Variants in BAHD1 observed in about 807,000 individuals in gnomAD.
BAHD1 encodes the protein bromo adjacent homology domain containing 1.
A neutral mutation model predicts 63.1 loss-of-function variants in BAHD1; 20 were observed. That is an observed-to-expected ratio of 0.32 (90% confidence interval 0.22 to 0.46). BAHD1 has a LOEUF of 0.46. Ranked by LOEUF, BAHD1 falls within the 20% of genes least tolerant of loss-of-function variation. The probability of loss-of-function intolerance (pLI) is 1.00; values close to 1 mark genes in which losing one functional copy is unlikely to be tolerated. For missense variants in BAHD1, 939 were observed against 1,071.8 expected, an observed-to-expected ratio of 0.88 and a Z score of 1.73; for synonymous variants, 408 against 426.8, an observed-to-expected ratio of 0.96 and a Z score of 0.54.
At chr15:40,446,561 A>G (rs1893545761) in intron 1 of BAHD1, among the ~76,000 whole-genome samples, 1 of 152,218 alleles carries the variant, frequency 6.6e-6, no homozygotes, top group African/African-American at 2.4e-5. Flanking sequence ...GATCCTCTGC[A>G]GGCCCAATCC....
chr15:40,455,866 C>G (rs983972690), intron 1 of BAHD1, among the ~76,000 whole-genome samples: 1 of 143,156 alleles, frequency 7.0e-6, no homozygotes, highest in Non-Finnish European at 1.5e-5. Flanking sequence ...CTAGGAGATA[C>G]TGATGTGCTT....
Position 40,458,778 on chromosome 15 carries a change from C to T in BAHD1, c.314C>T (p.Ser105Phe). The T allele has an allele frequency of 6.2e-7, 1 of 1,613,222 alleles. No homozygotes were observed. The highest frequency in any genetic ancestry group is 1.1e-5 in the South Asian group (1 of 91,082). The change falls in exon 2 of 7, where the codon TCC becomes TTC. Residue 105 changes from serine to phenylalanine, a missense_variant. Transcript: ENST00000416165. This position sits in a 1 kb window ranked among gnomAD's most constrained non-coding sequence, Gnocchi z 4.7. ...DLPKPPSPAP[S>F]SEDPGLAQPR... ...CCCAAGCCCCCCAGCCCGGCCCCATCCAGTGAAGACCCTGGCCTTGCCCAG... is the reference window on the plus strand; with the variant it reads ...CCCAAGCCCCCCAGCCCGGCCCCATTCAGTGAAGACCCTGGCCTTGCCCAG...
At chr15:40,456,653 G>A (rs1252120053) in intron 1 of BAHD1, among the ~76,000 whole-genome samples, 1 of 152,240 alleles carries the variant, frequency 6.6e-6, no homozygotes, top group Non-Finnish European at 1.5e-5. Flanking sequence ...AAGGCCATGG[G>A]AGCTAACAGG....
At position 40,466,021 on chromosome 15, in the gene BAHD1, C is replaced by A. The variant is rs1473130545; in HGVS notation, c.2234C>A (p.Ser745Tyr). ...TALVPPSADY[S>Y]TPPHRTVPED... is the part of the protein sequence containing the mutation. Reference sequence around the variant, plus strand: ...CTGGTTCCCCCCTCTGCAGACTATTCCACCCCACCCCACCGCACAGTGCCA... The same window carrying A: ...CTGGTTCCCCCCTCTGCAGACTATTACACCCCACCCCACCGCACAGTGCCA... Residue 745 changes from serine to tyrosine, a missense_variant, in exon 7 of 7, where the codon TCC (serine) becomes TAC (tyrosine). Ser to Tyr is a moderately radical substitution (Grantham distance 144). Around this residue, in one of 5 missense-constraint regions of BAHD1, gnomAD observed 68 missense variants for 86.2 expected, o/e 0.79. Coordinates refer to ENST00000416165, the MANE Select transcript of BAHD1 (RefSeq NM_014952.5). The A allele has an allele frequency of 6.2e-7, 1 of 1,613,836 alleles. No individual in the cohort carries two copies. Among genetic ancestry groups the A allele is most frequent in the African/African-American group, 1.3e-5 (1 of 74,924 alleles).
Position 40,458,501 on chromosome 15 carries a change from A to C in BAHD1, c.37A>C (p.Ser13Arg). 1 of 1,605,952 alleles carries C rather than the reference A, an allele frequency of 6.2e-7. No individual in the cohort carries two copies. Among genetic ancestry groups the C allele is most frequent in the Non-Finnish European group, 8.5e-7 (1 of 1,175,372 alleles). The part of the protein sequence containing the change: ...HTRRKSLPML[S>R]SGLTGRREPL... ...TCGGAGAAAGTCCCTTCCCATGCTG[A>C]GTTCGGGCCTCACTGGCCGCCGAGA... The change falls in exon 2 of 7, where the codon AGT (serine) becomes CGT (arginine). Residue 13 changes from serine to arginine, a missense_variant. This residue lies in a region of BAHD1 where 797 missense variants were observed against 813.3 expected (regional missense o/e 0.98). Transcript: ENST00000416165. This position sits in a 1 kb window ranked among gnomAD's most constrained non-coding sequence, Gnocchi z 4.7.
At position 40,459,531 on chromosome 15, in the gene BAHD1, C is replaced by T. The variant is rs774183424; in HGVS notation, c.1067C>T (p.Pro356Leu). The change falls in exon 2 of 7, where the codon CCG (proline) becomes CTG (leucine). Residue 356 changes from proline (P) to leucine (L), a missense_variant. By Grantham distance (98) the Pro-to-Leu change is moderately conservative (BLOSUM62 -3). Coordinates refer to ENST00000416165, the MANE Select transcript of BAHD1 (RefSeq NM_014952.5). ...SFPTPQLSPLPMPGNPADYNG... is the reference protein window; with the variant it reads ...SFPTPQLSPLLMPGNPADYNG... ...CCCACACCTCAGCTGTCGCCGCTGCCGATGCCTGGCAACCCCGCCGACTAC... is the reference window on the plus strand; with the variant it reads ...CCCACACCTCAGCTGTCGCCGCTGCTGATGCCTGGCAACCCCGCCGACTAC... 46 of 1,614,010 alleles carry T rather than the reference C, an allele frequency of 2.9e-5. No individual in the cohort carries two copies. The highest frequency in any genetic ancestry group is 4.4e-5 in the South Asian group (4 of 91,096).
At chr15:40,463,414 C>G (rs1450484889) in intron 3 of BAHD1, among the ~76,000 whole-genome samples, 2 of 152,246 alleles carry the variant, frequency 1.3e-5, no homozygotes, top group East Asian at 3.8e-4. Context: ...CACCACTACC[C>G]TATGTGGTAT....
chr15:40,440,130 C>G (rs903513515), upstream of BAHD1, among the ~76,000 whole-genome samples: 1 of 152,200 alleles, frequency 6.6e-6, no homozygotes, highest in African/African-American at 2.4e-5. Context: ...AGACCAGGCT[C>G]TGCTGTCAGC....
At chr15:40,440,920 A>C (rs1489882688), upstream of BAHD1, among the ~76,000 whole-genome samples, 9 of 152,060 alleles carry the variant, frequency 5.9e-5, no homozygotes, top group Non-Finnish European at 1.2e-4. Context: ...ACGAGGAAGC[A>C]GGAAGGAGGG....
Position 40,458,370 on chromosome 15 carries a change from T to C in BAHD1, c.-14-81T>C. 6.7e-7 allele frequency: 1 copy of C among 1,495,046 alleles called. No individual in the cohort carries two copies. The highest frequency in any genetic ancestry group is 8.9e-7 in the Non-Finnish European group (1 of 1,122,854). The allele number at this position is 1,495,046 out of a possible 1,614,324, so 92.6% of individuals were successfully genotyped here. On this transcript the variant is annotated intron_variant, in intron 1 of 6. Transcript: ENST00000416165. This position sits in a 1 kb window ranked among gnomAD's most constrained non-coding sequence, Gnocchi z 4.7. Reference sequence around the variant, plus strand: ...AGGCCAGGATCACTGCACCTGGGGCTGGGTAGGCTGCAGTGGGAGAGAAAG... The same window carrying C: ...AGGCCAGGATCACTGCACCTGGGGCCGGGTAGGCTGCAGTGGGAGAGAAAG...
At position 40,463,881 on chromosome 15, in the gene BAHD1, C is replaced by A; in HGVS notation, c.1836C>A (p.Ile612=). The part of the protein sequence containing the change: ...VYVLDEPEPA[I]RKSYQAVERH... ...CCTAGGATGAGCCGGAGCCAGCCAT[C>A]CGAAAGAGCTACCAGGCGGTAGAGC... is the stretch of plus-strand genomic sequence containing the variant. Residue 612 remains isoleucine, a synonymous_variant, in exon 4 of 7, where the codon ATC becomes ATA. Coordinates refer to ENST00000416165, the MANE Select transcript of BAHD1 (RefSeq NM_014952.5). 6.2e-7 allele frequency: 1 copy of A among 1,614,198 alleles called. No individual in the cohort carries two copies.
At position 40,461,988 on chromosome 15, in the gene BAHD1, C is replaced by T. The variant is rs1161205377; in HGVS notation, c.1509C>T (p.Leu503=). Reference sequence around the variant, plus strand: ...ACCCAGCCTCACCCGCCCACCCACTCCTGGGGTGCCCTGTACCCAGTGTGC... The same window carrying T: ...ACCCAGCCTCACCCGCCCACCCACTTCTGGGGTGCCCTGTACCCAGTGTGC... ...AGHPASPAHP[L]LGCPVPSVPP... is the part of the protein sequence containing the mutation. Residue 503 remains leucine (L), a synonymous_variant, in exon 3 of 7, where the codon CTC becomes CTT. Transcript: ENST00000416165. 3 of 1,613,038 alleles carry T rather than the reference C, an allele frequency of 1.9e-6. No individual in the cohort carries two copies. Among genetic ancestry groups the T allele is most frequent in the Admixed American group, 3.3e-5 (2 of 60,010 alleles).
At chr15:40,443,796 A>G (rs1296349088) in intron 1 of BAHD1, among the ~76,000 whole-genome samples, 1 of 151,120 alleles carries the variant, frequency 6.6e-6, no homozygotes. Flanking sequence ...TCCCGGTGTC[A>G]CTCCCTTTCT....
chr15:40,454,123 C>T (rs1325741444), intron 1 of BAHD1, among the ~76,000 whole-genome samples: 1 of 152,250 alleles, frequency 6.6e-6, no homozygotes, highest in Admixed American at 6.5e-5. Flanking sequence ...CTGAGGGCCA[C>T]TTCCTGCCCC....
At position 40,459,371 on chromosome 15, in the gene BAHD1, G is replaced by T; in HGVS notation, c.907G>T (p.Ala303Ser). The change falls in exon 2 of 7, where the codon GCT becomes TCT. Residue 303 changes from alanine to serine, a missense_variant. Coordinates refer to ENST00000416165, the MANE Select transcript of BAHD1 (RefSeq NM_014952.5). ...VQPSHQPLSK[A>S]LESPLGLRPH... is the part of the protein sequence containing the mutation. The stretch of plus-strand genomic sequence containing the variant: ...GCCATCTCATCAGCCCCTGAGCAAG[G>T]CTCTGGAGAGCCCTTTGGGGCTGCG... 1 of 1,612,792 alleles carries T rather than the reference G, an allele frequency of 6.2e-7. No homozygotes were observed. Among genetic ancestry groups the T allele is most frequent in the Non-Finnish European group, 8.5e-7 (1 of 1,179,808 alleles).
upstream of BAHD1, among the ~76,000 whole-genome samples, chr15:40,438,293 A>G (rs1893318618): frequency 6.6e-6 from 1 of 152,132 alleles, no homozygotes; most frequent in Admixed American, 6.5e-5. Context: ...GGTCCCTGAA[A>G]GTTGGGTGAA....
upstream of BAHD1, among the ~76,000 whole-genome samples, chr15:40,440,378 C>CT (rs1457594595): frequency 6.6e-6 from 1 of 151,990 alleles, no homozygotes; most frequent in Non-Finnish European, 1.5e-5. Flanking sequence ...GTCTGGGGCC[C>CT]TTTCTGCAGG....
At chr15:40,439,319 C>A (rs1053874456), upstream of BAHD1, among the ~76,000 whole-genome samples, 2 of 152,184 alleles carry the variant, frequency 1.3e-5, no homozygotes, top group East Asian at 3.8e-4. Flanking sequence ...ACAGTCTGGG[C>A]CCCCTGGACA....
chr15:40,456,138 A>G (rs62018028), intron 1 of BAHD1, among the ~76,000 whole-genome samples: 5 of 152,036 alleles, frequency 3.3e-5, no homozygotes, highest in Non-Finnish European at 7.4e-5. Flanking sequence ...ACGCCTGGCT[A>G]AATTTTTTTT....
Sources: allele counts gnomAD v4.1 joint callset (sites outside exome capture counted in the v4.1 genomes callset), GRCh38; gene constraint gnomAD v4.1.1; regional missense constraint gnomAD v4.1.1; non-coding constraint Gnocchi (gnomAD v3.1); transcripts MANE v1.5; gene names NCBI Gene and HGNC (gene_info 2026-07-23, HGNC 2026-07-21).